The following TRIM63 variants were observed in gnomAD, a reference collection of about 807,000 sequenced individuals.
TRIM63 encodes the protein tripartite motif containing 63.
In TRIM63, 48 loss-of-function variants were observed where a neutral mutation model predicts 46.0. The observed-to-expected ratio is 1.04, with a 90% CI of 0.83 to 1.33. The LOEUF (loss-of-function observed/expected upper bound fraction) is 1.33. Among genes scored for constraint, TRIM63 ranks in the 40% most tolerant of loss-of-function variants. TRIM63 has a pLI of 0.00. For missense variants in TRIM63, 455 were observed against 441.2 expected, an observed-to-expected ratio of 1.03 and a Z score of -0.28; for synonymous variants, 175 against 162.8, an observed-to-expected ratio of 1.08 and a Z score of -0.57.
intron 8 of TRIM63, among the ~76,000 whole-genome samples, chr1:26,052,856 C>T (rs1434930430): frequency 6.6e-6 from 1 of 152,194 alleles, no homozygotes; most frequent in Non-Finnish European, 1.5e-5. Flanking sequence ...TTTTTCTAAA[C>T]TTTCACAAGG....
chr1:26,061,586 C>T (rs2050626459), intron 2 of TRIM63, among the ~76,000 whole-genome samples: 1 of 152,220 alleles, frequency 6.6e-6, no homozygotes, highest in South Asian at 2.1e-4. Context: ...TCTGTCCCCA[C>T]ATCCTAAGAG....
chr1:26,065,048 G>A (rs1324375214), intron 2 of TRIM63, among the ~76,000 whole-genome samples: 1 of 150,424 alleles, frequency 6.6e-6, no homozygotes, highest in African/African-American at 2.5e-5. Context: ...TGTTTAGATG[G>A]AGTCTCACTC....
intron 3 of TRIM63, 141 bp from the exon 4 acceptor site, chr1:26,060,502 G>A (rs1026168338): frequency 4.8e-6 from 3 of 627,720 alleles, no homozygotes; most frequent in Non-Finnish European, 8.6e-6. Flanking sequence ...CCCTCTTTCG[G>A]GTATAGCTCA....
intron 1 of TRIM63, among the ~76,000 whole-genome samples, chr1:26,066,813 A>G (rs1365039038): frequency 2.0e-5 from 3 of 152,092 alleles, no homozygotes; most frequent in South Asian, 2.1e-4. Context: ...TAAAGTGTCC[A>G]TGGGGAACCT....
At chr1:26,055,096 G>A (rs1424134579) in intron 7 of TRIM63, among the ~76,000 whole-genome samples, 1 of 152,256 alleles carries the variant, frequency 6.6e-6, no homozygotes, top group African/African-American at 2.4e-5. Flanking sequence ...TTTAATAGCA[G>A]TTGCTGAGTA....
chr1:26,057,356 A>G (rs746380941), intron 6 of TRIM63, 29 bp from the exon 7 acceptor site: 6 of 1,612,654 alleles, frequency 3.7e-6, no homozygotes, highest in Non-Finnish European at 5.1e-6. Flanking sequence ...GAGAGGCAGG[A>G]TGAGGTCTCT....
intron 2 of TRIM63, among the ~76,000 whole-genome samples, chr1:26,063,424 T>A (rs370713481): frequency 3.4e-4 from 52 of 152,336 alleles, no homozygotes; most frequent in African/African-American, 1.2e-3. Flanking sequence ...TCTATTGTCC[T>A]CTGAAGTTCT....
Position 26,061,205 on chromosome 1 carries a change from G to T in TRIM63, c.462C>A (p.Cys154Ter), listed in dbSNP as rs779566429. The T allele has an allele frequency of 1.2e-6, 2 of 1,614,134 alleles. No homozygotes were observed. The highest frequency in any genetic ancestry group is 1.3e-5 in the African/African-American group (1 of 75,036). The change falls in exon 3 of 9, where the codon TGC becomes TGA. Residue 154 changes from cysteine to a stop codon, truncating the protein, a stop_gained. Transcript: ENST00000374272. LOFTEE classifies it high-confidence loss of function. ...AGACACTCTGCAATGGGGCCACCTC[G>T]CAGGCCTTGTGGATCCCAAACACCT... ...MCKVFGIHKA[C>*]EVAPLQSVFQ...
intron 2 of TRIM63, among the ~76,000 whole-genome samples, chr1:26,063,931 A>T (rs1158755079): frequency 2.6e-5 from 4 of 152,232 alleles, no homozygotes; most frequent in Non-Finnish European, 5.9e-5. Flanking sequence ...CCTTATGATC[A>T]ACAATATGTT....
intron 8 of TRIM63, among the ~76,000 whole-genome samples, chr1:26,053,076 T>C (rs1157102984): frequency 6.6e-6 from 1 of 152,092 alleles, no homozygotes; most frequent in Non-Finnish European, 1.5e-5. Flanking sequence ...TCCGAGTAGC[T>C]AGGACTACAG....
chr1:26,067,233 G>C, intron 1 of TRIM63, 103 bp downstream of exon 1: 1 of 1,433,622 alleles, frequency 7.0e-7, no homozygotes, highest in African/African-American at 1.4e-5. Flanking sequence ...CTTCCAAGGG[G>C]AAAGAGGCTG....
chr1:26,057,620 A>G lies in TRIM63; in HGVS notation c.854+8T>C. ...TGCTTGGATCATAGCCTCTAGGAAG[A>G]CACTGACCTTTTGATGAGTTGCTTG... On this transcript the variant is annotated splice_region_variant and intron_variant, in intron 6 of 8. Coordinates refer to ENST00000374272, the MANE Select transcript of TRIM63 (RefSeq NM_032588.4). 6.2e-7 allele frequency: 1 copy of G among 1,610,568 alleles called. No homozygotes were observed. Among genetic ancestry groups the G allele is most frequent in the Non-Finnish European group, 8.5e-7 (1 of 1,178,376 alleles).
At chr1:26,066,209 G>C in intron 2 of TRIM63, 59 bp downstream of exon 2, 2 of 1,582,622 alleles carry the variant, frequency 1.3e-6, no homozygotes, top group Admixed American at 3.3e-5. Context: ...GAGCGTGGGG[G>C]ATCTAGGCAC....
At chr1:26,062,270 C>CA (rs61219158) in intron 2 of TRIM63, among the ~76,000 whole-genome samples, 2,359 of 94,230 alleles carry the variant, frequency 0.025, 24 homozygotes, top group African/African-American at 0.028. Flanking sequence ...AACTCCGTCT[C>CA]AAAAAAAAAA....
In TRIM63 at chr1:26,067,476, G is replaced by C. The variant is rs1466983183; in HGVS notation, c.19C>G (p.Leu7Val). 1.2e-6 allele frequency: 2 copies of C among 1,614,008 alleles called. No homozygotes were observed. The highest frequency in any genetic ancestry group is 2.7e-5 in the African/African-American group (2 of 74,928). Residue 7 changes from leucine to valine, a missense_variant, in exon 1 of 9, where the codon CTG (leucine) becomes GTG (valine). Coordinates refer to ENST00000374272, the MANE Select transcript of TRIM63 (RefSeq NM_032588.4). The stretch of plus-strand genomic sequence containing the variant: ...TCCATGGGATTCCCATCCTGGATCA[G>C]GCTCGACTTATAATCCATTCTGTGG... The part of the protein sequence containing the change: MDYKSS[L>V]IQDGNPMENL...
intron 2 of TRIM63, among the ~76,000 whole-genome samples, chr1:26,062,034 G>A (rs1356652594): frequency 2.0e-5 from 3 of 152,158 alleles, no homozygotes; most frequent in Non-Finnish European, 2.9e-5. Flanking sequence ...TTGGGAGGCC[G>A]AGGTGGGAGA....
chr1:26,062,131 A>G (rs1205000468), intron 2 of TRIM63, among the ~76,000 whole-genome samples: 1 of 152,012 alleles, frequency 6.6e-6, no homozygotes, highest in Non-Finnish European at 1.5e-5. Flanking sequence ...TTAACCAGGC[A>G]TGGTGGCATG....
intron 7 of TRIM63, among the ~76,000 whole-genome samples, chr1:26,056,811 G>A (rs903416325): frequency 6.1e-4 from 90 of 148,186 alleles, no homozygotes; most frequent in African/African-American, 2.2e-3. Context: ...TGCCCAGGCT[G>A]GAGTGCAGTG....
chr1:26,054,972 A>T (rs996239872), intron 7 of TRIM63, among the ~76,000 whole-genome samples: 2 of 151,600 alleles, frequency 1.3e-5, no homozygotes, highest in African/African-American at 2.4e-5. Flanking sequence ...CCGTCTCAAA[A>T]AAAAAAAAAA....
Sources: allele counts gnomAD v4.1 joint callset (sites outside exome capture counted in the v4.1 genomes callset), GRCh38; gene constraint gnomAD v4.1.1; transcripts MANE v1.5; gene names NCBI Gene and HGNC (gene_info 2026-07-23, HGNC 2026-07-21).